Variants in PFN4 observed in about 807,000 individuals in gnomAD.
The protein encoded by PFN4 is profilin family member 4, also known as profilin-4.
A neutral mutation model predicts 16.3 loss-of-function variants in PFN4; 10 were observed. That is an observed-to-expected ratio of 0.61 (90% CI 0.38 to 1.04). The LOEUF is 1.04. Among genes scored for constraint, PFN4 ranks in the 50% least tolerant of loss-of-function variants. PFN4 has a pLI of 0.01. For missense variants in PFN4, 136 were observed against 153.6 expected, an observed-to-expected ratio of 0.89 and a Z score of 0.61; for synonymous variants, 54 against 56.9, an observed-to-expected ratio of 0.95 and a Z score of 0.23.
In PFN4 at chr2:24,115,440, A is replaced by C. The variant is rs183810599; in HGVS notation, c.*143T>G. The C allele has an allele frequency of 1.8e-4, 120 of 656,140 alleles. 1 individual carries two copies. In the East Asian group the frequency reaches 2.2e-3, roughly 12 times the overall value. 40.6% of individuals were successfully genotyped at this position (656,140 alleles called of 1,614,324 possible). A position where few individuals can be genotyped will look rare whatever the true frequency, so the allele number is the denominator to read the frequency against. On this transcript the variant is annotated 3_prime_UTR_variant, in exon 5 of 5. Transcript: ENST00000313213. ...CCAGTGAAAGAAGAGGATCTCTGGA[A>C]GTAATAAAAATTGCTCCCTTAATTC...
chr2:24,120,427 C>T (rs1323446608), intron 3 of PFN4, among the ~76,000 whole-genome samples: 2 of 152,190 alleles, frequency 1.3e-5, no homozygotes, highest in Non-Finnish European at 2.9e-5. Flanking sequence ...CCTCAGTGTC[C>T]TCATCTGTAA....
chr2:24,121,904 G>T (rs893143151), intron 2 of PFN4, among the ~76,000 whole-genome samples: 5 of 152,162 alleles, frequency 3.3e-5, no homozygotes. Flanking sequence ...CCAGGCAGTA[G>T]AACTGTGAGC....
intron 4 of PFN4, among the ~76,000 whole-genome samples, chr2:24,116,252 C>T (rs187570203): frequency 3.4e-4 from 52 of 151,640 alleles, no homozygotes; most frequent in African/African-American, 1.2e-3. Context: ...TGCTTGAACC[C>T]GGGAGGCAGA....
intron 4 of PFN4, among the ~76,000 whole-genome samples, chr2:24,117,495 T>G (rs890934536): frequency 1.3e-5 from 2 of 151,342 alleles, no homozygotes; most frequent in Admixed American, 1.3e-4. Context: ...CAGGCTGGAG[T>G]GCAATGGCGC....
At chr2:24,122,960 T>C (rs1666168573) in intron 1 of PFN4, 158 bp downstream of exon 1, 1 of 154,338 alleles carries the variant, frequency 6.5e-6, no homozygotes, top group African/African-American at 2.4e-5. Flanking sequence ...AAAGAGATTA[T>C]GCGTGGCCAT....
chr2:24,122,591 T>G, intron 1 of PFN4, 44 bp from the exon 2 acceptor site: 1 of 1,188,572 alleles, frequency 8.4e-7, no homozygotes, highest in African/African-American at 1.5e-5. Context: ...CTGGCTAGCT[T>G]TTAAAAGGCA....
At chr2:24,116,508 T>A (rs1445991042) in intron 4 of PFN4, among the ~76,000 whole-genome samples, 2 of 152,112 alleles carry the variant, frequency 1.3e-5, no homozygotes, top group Non-Finnish European at 2.9e-5. Context: ...CATTTTTTTT[T>A]ATACAGAGTC....
intron 4 of PFN4, among the ~76,000 whole-genome samples, chr2:24,118,379 GC>G (rs928554070): frequency 6.6e-6 from 1 of 152,136 alleles, no homozygotes; most frequent in Non-Finnish European, 1.5e-5. Flanking sequence ...TTCTCAATTG[GC>G]CCTTTAAGAT....
At position 24,121,052 on chromosome 2, in the gene PFN4, C is replaced by G. The variant is rs896246779; in HGVS notation, c.255+111G>C. The G allele has an allele frequency of 3.6e-6, 5 of 1,402,396 alleles. No homozygotes were observed. The African/African-American group carries it at 5.7e-5, about 16-fold the overall frequency. The allele number at this position is 1,402,396 out of a possible 1,614,324, so 86.9% of individuals were successfully genotyped here. A position where few individuals can be genotyped will look rare whatever the true frequency, so the allele number is the denominator to read the frequency against. ...AGACTGCTATCTCAAGACAATGGCT[C>G]AAGACATTAATGGATTTAATCTGTT... On this transcript the variant is annotated intron_variant, in intron 3 of 4. Coordinates refer to ENST00000313213, the MANE Select transcript of PFN4 (RefSeq NM_199346.3).
At position 24,115,457 on chromosome 2, in the gene PFN4, C is replaced by G; in HGVS notation, c.*126G>C. Reference sequence around the variant, plus strand: ...TCTCTGGAAGTAATAAAAATTGCTCCCTTAATTCATTCTTCTTTTTTAGTG... The same window carrying G: ...TCTCTGGAAGTAATAAAAATTGCTCGCTTAATTCATTCTTCTTTTTTAGTG... On this transcript the variant is annotated 3_prime_UTR_variant, in exon 5 of 5. Coordinates refer to ENST00000313213, the MANE Select transcript of PFN4 (RefSeq NM_199346.3). 1.3e-6 allele frequency: 1 copy of G among 770,052 alleles called. No homozygotes were observed. Among genetic ancestry groups the G allele is most frequent in the Non-Finnish European group, 2.1e-6 (1 of 476,470 alleles). The allele number at this position is 770,052 out of a possible 1,614,324, so 47.7% of individuals were successfully genotyped here.
At position 24,114,816 on chromosome 2, in the gene PFN4, C is replaced by T. The variant is rs1006339107; in HGVS notation, c.*767G>A. ...TGGTCCAGATTATCACCTAGGAGAC[C>T]AAGAGGAGATGAACTCTTTCTGGGG... On this transcript the variant is annotated 3_prime_UTR_variant, in exon 5 of 5. Coordinates refer to ENST00000313213, the MANE Select transcript of PFN4 (RefSeq NM_199346.3). Among the ~76,000 whole-genome samples, 3 of 152,088 alleles carry T rather than the reference C, an allele frequency of 2.0e-5. No homozygotes were observed. In the South Asian group the frequency reaches 6.2e-4, roughly 32 times the overall value.
chr2:24,119,737 T>A, intron 3 of PFN4, 55 bp from the exon 4 acceptor site: 1 of 1,327,934 alleles, frequency 7.5e-7, no homozygotes, highest in Non-Finnish European at 1.1e-6. Context: ...ACAGGACCAG[T>A]GGTCATGCTC....
intron 4 of PFN4, among the ~76,000 whole-genome samples, chr2:24,118,846 A>G (rs1354853340): frequency 1.3e-5 from 2 of 152,194 alleles, no homozygotes. Flanking sequence ...TGAATGAATG[A>G]ATGAGTGGCT....
chr2:24,117,444 CTTT>C (rs34376278), intron 4 of PFN4, among the ~76,000 whole-genome samples: 1 of 140,368 alleles, frequency 7.1e-6, no homozygotes, highest in Non-Finnish European at 1.6e-5. Context: ...TCTTCTTCTT[CTTT>C]TTTTTTTTTT....
intron 3 of PFN4, among the ~76,000 whole-genome samples, chr2:24,120,565 T>G (rs1666078871): frequency 6.6e-6 from 1 of 152,196 alleles, no homozygotes; most frequent in Admixed American, 6.5e-5. Context: ...TTTTAAAATT[T>G]TTTTTTTGAG....
chr2:24,118,148 G>C (rs1665982770), intron 4 of PFN4, among the ~76,000 whole-genome samples: 1 of 152,202 alleles, frequency 6.6e-6, no homozygotes, highest in Admixed American at 6.5e-5. Flanking sequence ...CTTCCTGACA[G>C]CCAAATTGCC....
intron 3 of PFN4, among the ~76,000 whole-genome samples, chr2:24,120,478 C>T (rs1350181826): frequency 2.6e-5 from 4 of 152,160 alleles, no homozygotes; most frequent in Non-Finnish European, 4.4e-5. Flanking sequence ...AAGCAGCATG[C>T]CTAACCCATA....
rs1056122 is a variant in PFN4, at chr2:24,119,635, T to C, written c.303A>G (p.Val101=). The change falls in exon 4 of 5, where the codon GTA becomes GTG. Residue 101 remains valine, a synonymous_variant. Coordinates refer to ENST00000313213, the MANE Select transcript of PFN4 (RefSeq NM_199346.3). The stretch of plus-strand genomic sequence containing the variant: ...GATACATGCCCTCAGTGTAAGTTGC[T>C]ACCAGAAGATACAGATGGGTCTTCA... ...VVVKTHLYLL[V]ATYTEGMYPS... The C allele has an allele frequency of 0.34, 553,258 of 1,609,412 alleles. 98,585 individuals carry two copies. Among genetic ancestry groups the C allele is most frequent in the South Asian group, 0.42 (38,282 of 90,740 alleles).
chr2:24,122,378 T>C (rs768945406), intron 2 of PFN4, 41 bp downstream of exon 2: 7 of 1,348,948 alleles, frequency 5.2e-6, no homozygotes, highest in Non-Finnish European at 6.3e-6. Flanking sequence ...ATAGAAATAA[T>C]AAGTAAATCA....
Sources: allele counts gnomAD v4.1 joint callset (sites outside exome capture counted in the v4.1 genomes callset), GRCh38; gene constraint gnomAD v4.1.1; transcripts MANE v1.5; gene names NCBI Gene and HGNC (gene_info 2026-07-23, HGNC 2026-07-21).